Variants in SNX17 observed in about 807,000 individuals in gnomAD.
SNX17 encodes sorting nexin-17.
Under a neutral mutation model 64.3 loss-of-function variants are expected in SNX17, and 35 were observed. That is an observed-to-expected ratio of 0.54 (90% CI 0.42 to 0.72). SNX17 has a LOEUF of 0.72. Ranked by LOEUF, SNX17 falls within the 30% of genes least tolerant of loss-of-function variation. The pLI, the probability that SNX17 is intolerant of heterozygous loss-of-function variation, is 0.00. For missense variants in SNX17, 538 were observed against 610.0 expected (o/e 0.88, Z 1.24); for synonymous variants, 259 against 230.2 (o/e 1.13, Z -1.13).
At chr2:27,370,828 G>A (rs1431771081) in intron 1 of SNX17, 22 bp downstream of exon 1, 2 of 1,536,850 alleles carry the variant, frequency 1.3e-6, no homozygotes, top group African/African-American at 1.4e-5. Context: ...CCGGAGCCGA[G>A]CCGGGCCGGG....
chr2:27,371,490 T>A (rs759841550), intron 2 of SNX17, 147 bp downstream of exon 2: 1 of 1,391,922 alleles, frequency 7.2e-7, no homozygotes, highest in East Asian at 2.8e-5. Flanking sequence ...GTTTATCTTG[T>A]CTGACATTTC....
chr2:27,372,907 CTG>C (rs1682778316), intron 3 of SNX17, 167 bp downstream of exon 3: 1 of 1,233,484 alleles, frequency 8.1e-7, no homozygotes, highest in East Asian at 2.5e-5. Context: ...ATGTGTAACT[CTG>C]TGTACTAGCA....
intron 2 of SNX17, chr2:27,371,700 C>T (rs1219620409): frequency 1.0e-5 from 2 of 199,564 alleles, no homozygotes; most frequent in East Asian, 2.6e-4. Context: ...ATTCTTTTCC[C>T]TGCTTATACA....
At position 27,377,362 on chromosome 2, in the gene SNX17, CACTG is replaced by C; in HGVS notation, c.*645_*648del. ...GTGGAGGTGAATACAGGGCCCTTCT[CACTG>C]AGCTCGTGAAGTGCCTCAGTCAAGG... On this transcript the variant is annotated 3_prime_UTR_variant, in exon 15 of 15. Coordinates refer to ENST00000233575, the MANE Select transcript of SNX17 (RefSeq NM_014748.4). This position sits in a 1 kb window ranked among gnomAD's most constrained non-coding sequence, Gnocchi z 4.4. 1 of 729,696 alleles carries C rather than the reference CACTG, an allele frequency of 1.4e-6. No individual in the cohort carries two copies. The highest frequency in any genetic ancestry group is 2.7e-5 in the East Asian group (1 of 37,418). 45.2% of individuals were successfully genotyped at this position (729,696 alleles called of 1,614,324 possible).
At position 27,373,901 on chromosome 2, in the gene SNX17, T is replaced by C; in HGVS notation, c.362T>C (p.Val121Ala). Reference protein sequence around the residue: ...QVPTEEVSLEVLLSNGQKVLV... With the variant: ...QVPTEEVSLEALLSNGQKVLV... Reference sequence around the variant, plus strand: ...CCCACAGAGGAAGTGTCCTTGGAAGTGCTGCTCAGCAACGGGCAGAAAGTT... The same window carrying C: ...CCCACAGAGGAAGTGTCCTTGGAAGCGCTGCTCAGCAACGGGCAGAAAGTT... The change falls in exon 5 of 15, where the codon GTG (valine) becomes GCG (alanine). Residue 121 changes from valine (V) to alanine (A), a missense_variant. Transcript: ENST00000233575. 2 of 1,614,078 alleles carry C rather than the reference T, an allele frequency of 1.2e-6. No homozygotes were observed. Among genetic ancestry groups the C allele is most frequent in the Non-Finnish European group, 1.7e-6 (2 of 1,180,018 alleles).
rs1683120253 is a variant in SNX17 at position 27,375,678 on chromosome 2, C to A, written c.947C>A (p.Thr316Asn). The A allele has an allele frequency of 6.2e-7, 1 of 1,614,180 alleles. No homozygotes were observed. Among genetic ancestry groups the A allele is most frequent in the Non-Finnish European group, 8.5e-7 (1 of 1,180,038 alleles). The stretch of plus-strand genomic sequence containing the variant: ...CTCCGAGAAGGCTCCTTCCGGGTCA[C>A]CCGCATGCGATGCTGGCGGGTCACC... Reference protein sequence around the residue: ...QQLREGSFRVTRMRCWRVTSS... With the variant: ...QQLREGSFRVNRMRCWRVTSS... The change falls in exon 10 of 15, where the codon ACC (threonine) becomes AAC (asparagine). Residue 316 changes from threonine (T) to asparagine (N), a missense_variant. This residue lies in a region of SNX17 where 505 missense variants were observed against 550.4 expected (regional missense o/e 0.92). Coordinates refer to ENST00000233575, the MANE Select transcript of SNX17 (RefSeq NM_014748.4). This position sits in a 1 kb window ranked among gnomAD's most constrained non-coding sequence, Gnocchi z 4.1.
rs1380237944 is a variant in SNX17 at position 27,374,329 on chromosome 2, T to C, written c.524-17T>C. ...TAAATCTCACTATATTTTCATTTTT[T>C]TTTTTTTAACCTGTAGTTGTACGGA... On this transcript the variant is annotated splice_polypyrimidine_tract_variant and intron_variant, in intron 6 of 14. Coordinates refer to ENST00000233575, the MANE Select transcript of SNX17 (RefSeq NM_014748.4). 1 of 1,609,438 alleles carries C rather than the reference T, an allele frequency of 6.2e-7. No homozygotes were observed. The highest frequency in any genetic ancestry group is 8.5e-7 in the Non-Finnish European group (1 of 1,177,598).
chr2:27,371,395 G>T (rs1203114223), intron 2 of SNX17, 52 bp downstream of exon 2: 1 of 1,570,572 alleles, frequency 6.4e-7, no homozygotes, highest in Non-Finnish European at 8.6e-7. Context: ...CCCTACACGT[G>T]GACATCAGTG....
At position 27,372,748 on chromosome 2, in the gene SNX17, G is replaced by T. The variant is rs768364810; in HGVS notation, c.256+8G>T. On this transcript the variant is annotated splice_region_variant and intron_variant, in intron 3 of 14. Coordinates refer to ENST00000233575, the MANE Select transcript of SNX17 (RefSeq NM_014748.4). ...AGAAGTACATGCAAGCTGGTGAGTG[G>T]TTGCAGGAAACTAGGTTGACTATAT... The T allele has an allele frequency of 1.2e-6, 2 of 1,614,132 alleles. No homozygotes were observed. The highest frequency in any genetic ancestry group is 1.7e-6 in the Non-Finnish European group (2 of 1,180,002).
chr2:27,372,435 A>G (rs924441528), intron 2 of SNX17, among the ~76,000 whole-genome samples, 188 bp from the exon 3 acceptor site: 4 of 152,154 alleles, frequency 2.6e-5, no homozygotes, highest in African/African-American at 7.2e-5. Context: ...AGCACAACTT[A>G]TATCTAGGAC....
In SNX17 at chr2:27,375,235, T is replaced by C; in HGVS notation, c.774+82T>C. The stretch of plus-strand genomic sequence containing the variant: ...CTCACTGCAAGCTCTGCCTCTCAGA[T>C]TCATGCCATTCTCCCGCCTCAGCCT... On this transcript the variant is annotated intron_variant, in intron 9 of 14. Coordinates refer to ENST00000233575, the MANE Select transcript of SNX17 (RefSeq NM_014748.4). The surrounding 1 kb of genome is among the most constrained non-coding windows in gnomAD (Gnocchi z 4.1). The C allele has an allele frequency of 1.6e-6, 2 of 1,250,356 alleles. No individual in the cohort carries two copies. The highest frequency in any genetic ancestry group is 3.0e-5 in the African/African-American group (2 of 67,698). The allele number at this position is 1,250,356 out of a possible 1,614,324, so 77.5% of individuals were successfully genotyped here. A position where few individuals can be genotyped will look rare whatever the true frequency, so the allele number is the denominator to read the frequency against.
rs1168556173 is a variant in SNX17, at chr2:27,370,713, C to A, written c.-31C>A. The A allele has an allele frequency of 6.5e-7, 1 of 1,537,464 alleles. No individual in the cohort carries two copies. The highest frequency in any genetic ancestry group is 2.0e-5 in the Admixed American group (1 of 50,286). On this transcript the variant is annotated 5_prime_UTR_variant, in exon 1 of 15. Transcript: ENST00000233575. Reference sequence around the variant, plus strand: ...CAGAGCCGCTGCGGCCCTCACAGTCCGGAGCCCGGCCGTGCCGTGCCGTAG... The same window carrying A: ...CAGAGCCGCTGCGGCCCTCACAGTCAGGAGCCCGGCCGTGCCGTGCCGTAG...
chr2:27,375,505 G>A lies in SNX17; in HGVS notation c.775-1G>A. 6.2e-7 allele frequency: 1 copy of A among 1,614,056 alleles called. No homozygotes were observed. Among genetic ancestry groups the A allele is most frequent in the Non-Finnish European group, 8.5e-7 (1 of 1,180,042 alleles). Reference sequence around the variant, plus strand: ...ACCCCCATGTGATGACCATTTTTCAGTTCCTGAGACTGGCCCAGACGCTGC... The same window carrying A: ...ACCCCCATGTGATGACCATTTTTCAATTCCTGAGACTGGCCCAGACGCTGC... On this transcript the variant is annotated splice_acceptor_variant, in intron 9 of 14. Transcript: ENST00000233575. LOFTEE classifies it high-confidence loss of function. The surrounding 1 kb of genome is among the most constrained non-coding windows in gnomAD (Gnocchi z 4.1).
rs749609272 is a variant in SNX17, at chr2:27,375,893, T to C, written c.1026T>C (p.Gly342=). The C allele has an allele frequency of 6.2e-7, 1 of 1,614,024 alleles. No homozygotes were observed. The change falls in exon 11 of 15, where the codon GGT becomes GGC. Residue 342 remains glycine (G), a synonymous_variant. Transcript: ENST00000233575. The surrounding 1 kb of genome is among the most constrained non-coding windows in gnomAD (Gnocchi z 4.1). ...CGAGCAGCCCAGGCCGGGGCCGGGG[T>C]GAGGTGCGCCTGGAACTGGCTTTTG... ...GSTSSPGRGR[G]EVRLELAFEY...
Position 27,377,223 on chromosome 2 carries a change from C to T in SNX17, c.*504C>T. On this transcript the variant is annotated 3_prime_UTR_variant, in exon 15 of 15. Coordinates refer to ENST00000233575, the MANE Select transcript of SNX17 (RefSeq NM_014748.4). This position sits in a 1 kb window ranked among gnomAD's most constrained non-coding sequence, Gnocchi z 4.4. Reference sequence around the variant, plus strand: ...AAATTGCCTGCCATTGCCAATTCAGCATAGACATGGCTTTGTTAGTGTTTC... The same window carrying T: ...AAATTGCCTGCCATTGCCAATTCAGTATAGACATGGCTTTGTTAGTGTTTC... 5.7e-6 allele frequency: 3 copies of T among 522,452 alleles called. No individual in the cohort carries two copies. The highest frequency in any genetic ancestry group is 7.0e-6 in the Non-Finnish European group (2 of 286,944). 32.4% of individuals were successfully genotyped at this position (522,452 alleles called of 1,614,324 possible).
intron 4 of SNX17, 94 bp downstream of exon 4, chr2:27,373,405 C>A: frequency 2.3e-6 from 3 of 1,311,302 alleles, no homozygotes; most frequent in Non-Finnish European, 3.3e-6. Flanking sequence ...CTCTTTTGCA[C>A]AGGCTGGAGT....
At position 27,375,809 on chromosome 2, in the gene SNX17, C is replaced by A; in HGVS notation, c.979-37C>A. On this transcript the variant is annotated intron_variant, in intron 10 of 14. Transcript: ENST00000233575. The surrounding 1 kb of genome is among the most constrained non-coding windows in gnomAD (Gnocchi z 4.1). ...GGGTCAGGGAGCCAGACAGGTTGGT[C>A]AGAGTGAACTCAACCGAATTCCCCT... The A allele has an allele frequency of 1.2e-6, 2 of 1,611,222 alleles. No individual in the cohort carries two copies. The highest frequency in any genetic ancestry group is 1.1e-5 in the South Asian group (1 of 90,848).
Position 27,376,893 on chromosome 2 carries a change from T to C in SNX17, c.*174T>C, listed in dbSNP as rs940564737. The C allele has an allele frequency of 8.2e-6, 5 of 611,270 alleles. No homozygotes were observed. The highest frequency in any genetic ancestry group is 7.4e-5 in the African/African-American group (4 of 54,144). 37.9% of individuals were successfully genotyped at this position (611,270 alleles called of 1,614,324 possible). A position where few individuals can be genotyped will look rare whatever the true frequency, so the allele number is the denominator to read the frequency against. ...ACCTTTCCTTGTCCCCTGGGCTGGC[T>C]GCACAGAGGATTGCCCCTTCTCTTT... On this transcript the variant is annotated 3_prime_UTR_variant, in exon 15 of 15. Transcript: ENST00000233575.
intron 1 of SNX17, 91 bp from the exon 2 acceptor site, chr2:27,371,178 C>T (rs992483917): frequency 4.3e-6 from 5 of 1,155,370 alleles, no homozygotes; most frequent in Admixed American, 3.5e-5. Flanking sequence ...CGCGTTACTC[C>T]GGCGAGTTGC....
Sources: gnomAD v4.1 joint callset for allele counts (sites outside exome capture counted in the v4.1 genomes callset) on GRCh38, gnomAD v4.1.1 for gene constraint, gnomAD v4.1.1 regional missense constraint, Gnocchi (gnomAD v3.1) non-coding constraint, MANE v1.5 for transcripts, NCBI Gene and HGNC (gene_info 2026-07-23, HGNC 2026-07-21) for gene names.